The following MINDY4 variants were observed in gnomAD, a reference collection of about 807,000 sequenced individuals.
The protein encoded by MINDY4 is MINDY lysine 48 deubiquitinase 4.
Under a neutral mutation model 87.0 loss-of-function variants are expected in MINDY4, and 68 were observed. That is an observed-to-expected ratio of 0.78 (90% CI 0.64 to 0.96). The LOEUF (loss-of-function observed/expected upper bound fraction) is 0.96. MINDY4 is among the 40% of genes least tolerant of loss of function. The pLI, the probability that MINDY4 is intolerant of heterozygous loss-of-function variation, is 0.00. For synonymous variants in MINDY4, 379 were observed against 363.2 expected, an observed-to-expected ratio of 1.04 and a Z score of -0.50; for missense variants, 919 against 928.2, an observed-to-expected ratio of 0.99 and a Z score of 0.13.
intron 4 of MINDY4, among the ~76,000 whole-genome samples, chr7:30,788,107 A>G (rs1346136962): frequency 6.6e-6 from 1 of 152,208 alleles, no homozygotes; most frequent in African/African-American, 2.4e-5. Flanking sequence ...TTCAAGCCTC[A>G]TATTTGCTTT....
chr7:30,812,299 G>C (rs1788028451), intron 5 of MINDY4, among the ~76,000 whole-genome samples: 1 of 150,648 alleles, frequency 6.6e-6, no homozygotes, highest in Non-Finnish European at 1.5e-5. Context: ...TGTATGCATT[G>C]AGAGAAAAAA....
chr7:30,859,005 A>G (rs1387536308), intron 12 of MINDY4: 2 of 700,202 alleles, frequency 2.9e-6, no homozygotes, highest in South Asian at 3.0e-5. Flanking sequence ...AGTTTTGAGG[A>G]CTCTGAGGTC....
At chr7:30,789,288 T>A (rs1020951371) in intron 4 of MINDY4, among the ~76,000 whole-genome samples, 4 of 152,194 alleles carry the variant, frequency 2.6e-5, no homozygotes, top group Non-Finnish European at 5.9e-5. Context: ...CCTGCTTCAC[T>A]GCCAAGGGCA....
chr7:30,831,260 G>T (rs1354038436), intron 6 of MINDY4, among the ~76,000 whole-genome samples: 1 of 152,088 alleles, frequency 6.6e-6, no homozygotes, highest in Non-Finnish European at 1.5e-5. Context: ...CTCCCTCTCT[G>T]CTCTGAAAAC....
chr7:30,804,677 T>C (rs1436278533), intron 5 of MINDY4, among the ~76,000 whole-genome samples: 1 of 152,188 alleles, frequency 6.6e-6, no homozygotes, highest in Non-Finnish European at 1.5e-5. Context: ...GCTTTGGATG[T>C]ATTACTTCAT....
chr7:30,791,896 C>CA (rs373282711), intron 5 of MINDY4, among the ~76,000 whole-genome samples: 62 of 151,686 alleles, frequency 4.1e-4, no homozygotes, highest in African/African-American at 1.5e-3. Flanking sequence ...AAAAAAATTG[C>CA]AAAAAAAACT....
At chr7:30,824,378 T>A (rs1788434140) in intron 5 of MINDY4, among the ~76,000 whole-genome samples, 1 of 152,150 alleles carries the variant, frequency 6.6e-6, no homozygotes, top group Non-Finnish European at 1.5e-5. Context: ...GACTCAATCA[T>A]CTCCTGAATG....
chr7:30,882,701 G>A (rs1003578836), intron 16 of MINDY4, among the ~76,000 whole-genome samples: 1 of 151,898 alleles, frequency 6.6e-6, no homozygotes. Context: ...GATCAGAAGT[G>A]TTTTTAGAAA....
intron 6 of MINDY4, among the ~76,000 whole-genome samples, chr7:30,835,880 C>T (rs562632443): frequency 1.1e-4 from 16 of 152,194 alleles, no homozygotes; most frequent in South Asian, 6.2e-4. Context: ...CCTTAGCTAA[C>T]GGGGAAGTCA....
rs552541074 is a variant in MINDY4 at position 30,771,620 on chromosome 7, C to A, written c.63+64C>A. 2.1e-5 allele frequency: 31 copies of A among 1,511,942 alleles called. No individual in the cohort carries two copies. In the African/African-American group the frequency reaches 2.3e-4, roughly 11 times the overall value. 93.7% of individuals were successfully genotyped at this position (1,511,942 alleles called of 1,614,324 possible). A position where few individuals can be genotyped will look rare whatever the true frequency, so the allele number is the denominator to read the frequency against. ...TAATTTGGGGGGATCATCGGGGTCT[C>A]CCCTGAAGGCTTTGCAGCTTCTGGG... is the stretch of plus-strand genomic sequence containing the variant. On this transcript the variant is annotated intron_variant, in intron 1 of 17. Transcript: ENST00000265299.
chr7:30,875,643 A>G lies in MINDY4; in HGVS notation c.1958A>G (p.Tyr653Cys), dbSNP rs761768100. ...GGCTTCTTATCTCTCTTTGAGCATT[A>G]CAACATGTGCCAGGTACCCAGATGC... ...DIGFLSLFEH[Y>C]NMCQVGCFLK... Residue 653 changes from tyrosine (Y) to cysteine (C), a missense_variant, in exon 15 of 18, where the codon TAC becomes TGC. Physicochemically the swap from Tyr to Cys is radical, Grantham distance 194. Coordinates refer to ENST00000265299, the MANE Select transcript of MINDY4 (RefSeq NM_032222.3). 1 of 1,609,720 alleles carries G rather than the reference A, an allele frequency of 6.2e-7. No individual in the cohort carries two copies. Among genetic ancestry groups the G allele is most frequent in the East Asian group, 2.2e-5 (1 of 44,792 alleles).
intron 9 of MINDY4, among the ~76,000 whole-genome samples, chr7:30,846,032 G>A (rs977212823): frequency 6.6e-6 from 1 of 152,220 alleles, no homozygotes; most frequent in Non-Finnish European, 1.5e-5. Flanking sequence ...TCAGAGGCGG[G>A]TGCGGATCTG....
At chr7:30,789,585 C>T (rs570605296) in intron 4 of MINDY4, among the ~76,000 whole-genome samples, 15 of 152,306 alleles carry the variant, frequency 9.8e-5, no homozygotes, top group Non-Finnish European at 1.9e-4. Context: ...TGAGTCTCCT[C>T]GGGAATGGTG....
chr7:30,892,186 A>G lies in MINDY4; in HGVS notation c.*181A>G. 1.6e-6 allele frequency: 1 copy of G among 621,018 alleles called. No homozygotes were observed. Among genetic ancestry groups the G allele is most frequent in the Non-Finnish European group, 2.8e-6 (1 of 354,612 alleles). 38.5% of individuals were successfully genotyped at this position (621,018 alleles called of 1,614,324 possible). On this transcript the variant is annotated 3_prime_UTR_variant, in exon 18 of 18. Coordinates refer to ENST00000265299, the MANE Select transcript of MINDY4 (RefSeq NM_032222.3). ...GGGCCCACCCAAGACTGTGCTGGGG[A>G]CCCAGTGTGTTGCTGGGTCCCCTCC... is the stretch of plus-strand genomic sequence containing the variant.
chr7:30,849,009 G>A (rs1351915294), intron 9 of MINDY4, among the ~76,000 whole-genome samples: 1 of 152,190 alleles, frequency 6.6e-6, no homozygotes, highest in Non-Finnish European at 1.5e-5. Flanking sequence ...GGGAGGTGCA[G>A]TGGTCATTGC....
intron 3 of MINDY4, 114 bp downstream of exon 3, chr7:30,782,326 C>T: frequency 1.3e-6 from 1 of 765,918 alleles, no homozygotes; most frequent in Non-Finnish European, 2.1e-6. Flanking sequence ...TCAATATAGT[C>T]TCTGTGTGTG....
intron 15 of MINDY4, among the ~76,000 whole-genome samples, chr7:30,881,671 T>C (rs1790466682): frequency 6.6e-6 from 1 of 152,178 alleles, no homozygotes; most frequent in African/African-American, 2.4e-5. Context: ...AGTGATGTGC[T>C]CCCTGGGAAC....
chr7:30,863,978 A>G (rs1789852285), intron 13 of MINDY4, among the ~76,000 whole-genome samples: 2 of 152,208 alleles, frequency 1.3e-5, no homozygotes, highest in Admixed American at 1.3e-4. Flanking sequence ...GCTCTGAACC[A>G]GACCTGGGCA....
chr7:30,847,540 TACTA>T (rs58538491), intron 9 of MINDY4, among the ~76,000 whole-genome samples: 22,133 of 151,826 alleles, frequency 0.15, 1,727 homozygotes, highest in Middle Eastern at 0.26. Context: ...TTCCAGTTTT[TACTA>T]ACTATCTGAT....
Sources: allele counts gnomAD v4.1 joint callset (sites outside exome capture counted in the v4.1 genomes callset), GRCh38; gene constraint gnomAD v4.1.1; transcripts MANE v1.5; gene names NCBI Gene and HGNC (gene_info 2026-07-23, HGNC 2026-07-21).